CNBD1: variants seen among roughly 807,000 people sequenced by gnomAD.
CNBD1 encodes the protein cyclic nucleotide-binding domain-containing protein 1.
A neutral mutation model predicts 54.4 loss-of-function variants in CNBD1; 71 were observed. The observed-to-expected ratio is 1.30, with a 90% CI of 1.08 to 1.59. The LOEUF is 1.59. CNBD1 is among the 40% of genes most tolerant of loss of function. CNBD1 has a pLI of 0.00. For missense variants in CNBD1, 659 were observed against 518.0 expected (o/e 1.27, Z -2.64); for synonymous variants, 182 against 170.7 (o/e 1.07, Z -0.51).
chr8:87,425,375 T>C (rs1187797696), intron 2 of CNBD1, among the ~76,000 whole-genome samples: 1 of 152,240 alleles, frequency 6.6e-6, no homozygotes, highest in Non-Finnish European at 1.5e-5. Flanking sequence ...GCTGCGTTCC[T>C]TTGGAGGAGG....
At chr8:86,991,654 A>T (rs1808751134) in intron 4 of CNBD1, among the ~76,000 whole-genome samples, 1 of 152,076 alleles carries the variant, frequency 6.6e-6, no homozygotes, top group Non-Finnish European at 1.5e-5. Flanking sequence ...GAAGGTGTTT[A>T]GTTCTGTAAA....
chr8:87,351,858 C>A (rs1352158283), intron 9 of CNBD1, 64 bp downstream of exon 9: 33 of 1,307,088 alleles, frequency 2.5e-5, no homozygotes, highest in Admixed American at 4.0e-5. Flanking sequence ...TGTCAGATAC[C>A]TTTTCATGTA....
chr8:87,147,924 C>T (rs1812523391), intron 4 of CNBD1, among the ~76,000 whole-genome samples: 1 of 152,020 alleles, frequency 6.6e-6, no homozygotes, highest in Admixed American at 6.6e-5. Context: ...GTTTTCATAT[C>T]TTTAGTATAA....
chr8:86,959,587 A>T (rs992752429), intron 4 of CNBD1, among the ~76,000 whole-genome samples: 4 of 151,784 alleles, frequency 2.6e-5, no homozygotes, highest in Non-Finnish European at 5.9e-5. Flanking sequence ...TTCTCACTTC[A>T]TTTCATTGAT....
At chr8:87,037,434 C>G (rs1809972865) in intron 4 of CNBD1, among the ~76,000 whole-genome samples, 1 of 152,060 alleles carries the variant, frequency 6.6e-6, no homozygotes, top group South Asian at 2.1e-4. Flanking sequence ...TTCCATTTTT[C>G]AGAAACTCAT....
intron 4 of CNBD1, among the ~76,000 whole-genome samples, chr8:86,951,581 CAAAAAAAA>C (rs71275901): frequency 4.0e-4 from 15 of 37,356 alleles, no homozygotes; most frequent in South Asian, 1.3e-3. Flanking sequence ...CTCCGTCTCA[CAAAAAAAA>C]AAAAAAAAAA....
At chr8:87,149,799 TG>T (rs1269488256) in intron 4 of CNBD1, among the ~76,000 whole-genome samples, 2 of 152,000 alleles carry the variant, frequency 1.3e-5, no homozygotes, top group African/African-American at 4.8e-5. Context: ...GGTGAAATGA[TG>T]GAGCAGATTT....
At chr8:86,926,139 A>G (rs1809356989) in intron 3 of CNBD1, among the ~76,000 whole-genome samples, 2 of 152,006 alleles carry the variant, frequency 1.3e-5, no homozygotes, top group East Asian at 3.9e-4. Flanking sequence ...GCATTTTACA[A>G]TCCTCTCATA....
chr8:87,013,204 A>G (rs899401560), intron 4 of CNBD1, among the ~76,000 whole-genome samples: 3 of 152,168 alleles, frequency 2.0e-5, no homozygotes, highest in African/African-American at 4.8e-5. Context: ...GACCTCCCTT[A>G]GGTTAAACGT....
At chr8:87,004,519 A>G (rs968529690) in intron 4 of CNBD1, among the ~76,000 whole-genome samples, 3 of 151,484 alleles carry the variant, frequency 2.0e-5, no homozygotes, top group Non-Finnish European at 4.4e-5. Context: ...AGTCAATTCT[A>G]TTTTTGCAAA....
At chr8:87,117,166 A>G (rs1181844941) in intron 4 of CNBD1, among the ~76,000 whole-genome samples, 2 of 152,160 alleles carry the variant, frequency 1.3e-5, no homozygotes, top group African/African-American at 4.8e-5. Context: ...TGGGAGGCCA[A>G]GGCGGGTGGA....
At chr8:87,126,481 A>G (rs1811992011) in intron 4 of CNBD1, among the ~76,000 whole-genome samples, 1 of 151,862 alleles carries the variant, frequency 6.6e-6, no homozygotes, top group Non-Finnish European at 1.5e-5. Context: ...TCTTATGTCC[A>G]TTTGTTTTTT....
At chr8:86,918,935 C>T (rs1809229366) in intron 3 of CNBD1, among the ~76,000 whole-genome samples, 1 of 151,718 alleles carries the variant, frequency 6.6e-6, no homozygotes, top group Admixed American at 6.6e-5. Flanking sequence ...ACTATTATTT[C>T]ACTCTATGTT....
At chr8:87,343,203 T>C (rs972078616) in intron 8 of CNBD1, among the ~76,000 whole-genome samples, 4 of 152,172 alleles carry the variant, frequency 2.6e-5, no homozygotes, top group Admixed American at 2.6e-4. Flanking sequence ...TCCTGGAAAA[T>C]TGCAGTTATT....
At chr8:86,877,089 A>T (rs1808531728) in intron 1 of CNBD1, among the ~76,000 whole-genome samples, 1 of 152,046 alleles carries the variant, frequency 6.6e-6, no homozygotes, top group Admixed American at 6.6e-5. Context: ...TTTTGTTGCA[A>T]CAAATATTTA....
chr8:87,378,017 A>C, intron 10 of CNBD1, among the ~76,000 whole-genome samples: 1 of 131,812 alleles, frequency 7.6e-6, no homozygotes, highest in Non-Finnish European at 1.6e-5. Context: ...TTTTTCTTGT[A>C]AATTTGTTTG....
At chr8:87,300,480 C>A (rs1345266302) in intron 8 of CNBD1, among the ~76,000 whole-genome samples, 1 of 152,122 alleles carries the variant, frequency 6.6e-6, no homozygotes, top group Non-Finnish European at 1.5e-5. Flanking sequence ...GACACACTAA[C>A]TTCTAAGAAG....
chr8:87,114,109 ATTTCC>A (rs1811722866), intron 4 of CNBD1, among the ~76,000 whole-genome samples: 2 of 152,208 alleles, frequency 1.3e-5, no homozygotes, highest in Admixed American at 6.5e-5. Flanking sequence ...TACTATTAGA[ATTTCC>A]TTTCAACATA....
At chr8:87,044,408 C>T (rs1810138264) in intron 4 of CNBD1, 1 of 151,992 alleles carries the variant, frequency 6.6e-6, no homozygotes, top group African/African-American at 2.4e-5. Context: ...GGGGTGTTAT[C>T]TGAGCTTGTG....
Sources: gnomAD v4.1 joint callset for allele counts (sites outside exome capture counted in the v4.1 genomes callset) on GRCh38, gnomAD v4.1.1 for gene constraint, MANE v1.5 for transcripts, NCBI Gene and HGNC (gene_info 2026-07-23, HGNC 2026-07-21) for gene names.